The following AGBL4 variants were observed in gnomAD, a reference collection of about 807,000 sequenced individuals.
AGBL4 encodes cytosolic carboxypeptidase 6.
Under a neutral mutation model 66.4 loss-of-function variants are expected in AGBL4, and 58 were observed. The observed-to-expected ratio is 0.87, with a 90% CI of 0.71 to 1.09. The LOEUF (loss-of-function observed/expected upper bound fraction) is 1.09, where lower values mean the gene tolerates loss of function less well. AGBL4 is among the 50% of genes least tolerant of loss of function. The pLI is 0.00. For synonymous variants in AGBL4, 234 were observed against 222.9 expected (o/e 1.05, Z -0.44); for missense variants, 579 against 631.0 (o/e 0.92, Z 0.88).
intron 4 of AGBL4, among the ~76,000 whole-genome samples, chr1:49,210,257 A>G (rs893281715): frequency 6.6e-6 from 1 of 152,036 alleles, no homozygotes; most frequent in Non-Finnish European, 1.5e-5. Context: ...AAATATTGTT[A>G]TTTCTCAGTT....
intron 3 of AGBL4, among the ~76,000 whole-genome samples, chr1:49,542,011 T>G (rs576796142): frequency 6.6e-6 from 1 of 152,198 alleles, no homozygotes; most frequent in Non-Finnish European, 1.5e-5. Context: ...ATCAGCACCC[T>G]GTGTCTAGCT....
chr1:48,756,682 T>C (rs1643947510), intron 6 of AGBL4, among the ~76,000 whole-genome samples: 1 of 152,252 alleles, frequency 6.6e-6, no homozygotes, highest in Non-Finnish European at 1.5e-5. Flanking sequence ...ATTTTATTCT[T>C]GCGGATTTGT....
At chr1:49,562,689 C>T (rs1440095895) in intron 3 of AGBL4, among the ~76,000 whole-genome samples, 1 of 152,008 alleles carries the variant, frequency 6.6e-6, no homozygotes, top group Non-Finnish European at 1.5e-5. Flanking sequence ...GGTACCAGTA[C>T]CATGCTGTTT....
chr1:48,689,884 G>A (rs909121935), intron 6 of AGBL4, among the ~76,000 whole-genome samples: 4 of 152,224 alleles, frequency 2.6e-5, no homozygotes, highest in Non-Finnish European at 4.4e-5. Flanking sequence ...CAGCCTGGGC[G>A]ACAGAGTGAG....
intron 6 of AGBL4, among the ~76,000 whole-genome samples, chr1:48,830,850 A>G (rs1646535011): frequency 2.0e-5 from 3 of 152,166 alleles, no homozygotes; most frequent in South Asian, 4.1e-4. Context: ...TTTAAACGTA[A>G]AAGTTCATTC....
At chr1:49,494,221 C>T (rs1016197025) in intron 3 of AGBL4, among the ~76,000 whole-genome samples, 3 of 151,876 alleles carry the variant, frequency 2.0e-5, no homozygotes, top group Non-Finnish European at 4.4e-5. Context: ...TGACTTTTGA[C>T]TCTGTGGGTC....
chr1:49,841,532 C>A (rs1645989453), intron 2 of AGBL4, among the ~76,000 whole-genome samples: 1 of 151,916 alleles, frequency 6.6e-6, no homozygotes, highest in African/African-American at 2.4e-5. Flanking sequence ...TCCAAATACC[C>A]AAAGTAATCC....
intron 2 of AGBL4, among the ~76,000 whole-genome samples, chr1:49,778,407 G>T (rs1644252016): frequency 6.6e-6 from 1 of 152,098 alleles, no homozygotes; most frequent in Non-Finnish European, 1.5e-5. Context: ...AGTAAGGCTG[G>T]CCCAGGATAC....
intron 5 of AGBL4, among the ~76,000 whole-genome samples, chr1:49,027,393 C>G (rs1039318704): frequency 6.6e-6 from 1 of 152,068 alleles, no homozygotes; most frequent in East Asian, 1.9e-4. Flanking sequence ...AAACTCCTGA[C>G]CTCAGGTGAT....
chr1:49,832,399 T>A (rs1268507603), intron 2 of AGBL4, among the ~76,000 whole-genome samples: 1 of 150,732 alleles, frequency 6.6e-6, no homozygotes, highest in South Asian at 2.1e-4. Context: ...TCTATCATTG[T>A]TGGACATTTG....
chr1:49,974,368 T>C lies in AGBL4; in HGVS notation c.34+49395A>G, dbSNP rs563738875. On this transcript the variant is annotated intron_variant, in intron 1 of 13. Coordinates refer to ENST00000371839, the MANE Select transcript of AGBL4 (RefSeq NM_032785.4). ...ATGGAGGACATAAACTTTAAGGAAA[T>C]GTTTAGCAGCAATGAGAGGTTATAA... Among the ~76,000 whole-genome samples the C allele has an allele frequency of 2.3e-4, 35 of 152,208 alleles. 1 individual carries two copies. The highest frequency in any genetic ancestry group is 7.5e-4 in the African/African-American group (31 of 41,542).
In AGBL4 at chr1:48,733,305, A is replaced by AT. The variant is rs149064310; in HGVS notation, c.635-70065dup. Among the ~76,000 whole-genome samples, 935 of 152,270 alleles carry AT rather than the reference A, an allele frequency of 6.1e-3. 11 individuals carry two copies. Among genetic ancestry groups the AT allele is most frequent in the African/African-American group, 0.021 (892 of 41,530 alleles). On this transcript the variant is annotated intron_variant, in intron 6 of 13. Coordinates refer to ENST00000371839, the MANE Select transcript of AGBL4 (RefSeq NM_032785.4). ...TACTTAGGAAGGCAGGTGGACTGAA[A>AT]TCCAGAGCCCAGATGGAGAGAATCA...
chr1:48,795,735 C>A (rs1645660041), intron 6 of AGBL4, among the ~76,000 whole-genome samples: 1 of 152,210 alleles, frequency 6.6e-6, no homozygotes, highest in African/African-American at 2.4e-5. Context: ...TCACTGCAGC[C>A]TCCGCCTCCT....
chr1:49,162,116 G>A (rs373270496), intron 4 of AGBL4, among the ~76,000 whole-genome samples: 55 of 152,256 alleles, frequency 3.6e-4, no homozygotes, highest in African/African-American at 1.3e-3. Context: ...TATATGTTAA[G>A]CACTTAGCAT....
intron 3 of AGBL4, among the ~76,000 whole-genome samples, chr1:49,371,526 C>T (rs1644345363): frequency 6.6e-6 from 1 of 152,052 alleles, no homozygotes; most frequent in South Asian, 2.1e-4. Context: ...CTCATTTAAT[C>T]CTCTTACTCC....
At chr1:49,464,242 A>AAT (rs1333154607) in intron 3 of AGBL4, among the ~76,000 whole-genome samples, 1 of 151,748 alleles carries the variant, frequency 6.6e-6, no homozygotes, top group Non-Finnish European at 1.5e-5. Context: ...ACCACTTGGC[A>AAT]ATATATATAC....
At chr1:49,153,957 T>C (rs956882077) in intron 4 of AGBL4, among the ~76,000 whole-genome samples, 2 of 152,070 alleles carry the variant, frequency 1.3e-5, no homozygotes, top group Non-Finnish European at 2.9e-5. Flanking sequence ...CTCAGAGATT[T>C]ATTTTGAGTA....
intron 8 of AGBL4, among the ~76,000 whole-genome samples, chr1:48,646,444 A>G (rs955999037): frequency 1.3e-5 from 2 of 151,214 alleles, no homozygotes; most frequent in African/African-American, 2.4e-5. Flanking sequence ...GTTCTGTTCT[A>G]TTTTTGGATA....
At chr1:48,524,490 G>A in the AGBL4 span, among the ~76,000 whole-genome samples, 1 of 152,214 alleles carries the variant, frequency 6.6e-6, no homozygotes, top group African/African-American at 2.4e-5. Context: ...TGGGAAAGAG[G>A]AGAGGTGGCC....
Sources: allele counts gnomAD v4.1 joint callset (sites outside exome capture counted in the v4.1 genomes callset), GRCh38; gene constraint gnomAD v4.1.1; transcripts MANE v1.5; gene names NCBI Gene and HGNC (gene_info 2026-07-23, HGNC 2026-07-21).